Variants in COL4A4 observed in about 807,000 individuals in gnomAD.
COL4A4 encodes collagen type IV alpha 4 chain, also known as collagen alpha-4(IV) chain.
In COL4A4, 105 loss-of-function variants were observed where a neutral mutation model predicts 192.9. That is an observed-to-expected ratio of 0.54 (90% CI 0.46 to 0.64). The LOEUF is 0.64. Ranked by LOEUF, COL4A4 falls within the 30% of genes least tolerant of loss-of-function variation. The pLI, the probability that COL4A4 is intolerant of heterozygous loss-of-function variation, is 0.00. For synonymous variants in COL4A4, 762 were observed against 769.9 expected (o/e 0.99, Z 0.17); for missense variants, 1,967 against 2,169.3 (o/e 0.91, Z 1.85).
chr2:227,033,916 T>C (rs1480591760), intron 37 of COL4A4, among the ~76,000 whole-genome samples: 1 of 152,198 alleles, frequency 6.6e-6, no homozygotes, highest in East Asian at 1.9e-4. Context: ...TCCTGGTTTC[T>C]TCAGGATCTA....
Position 227,022,527 on chromosome 2 carries a change from G to GTA in COL4A4, c.4091-356_4091-355dup, listed in dbSNP as rs1553620826. The stretch of plus-strand genomic sequence containing the variant: ...AATCTCTGGGCCATTTTTTACTGGA[G>GTA]TAGCAGCCACAGGTAGCATTGCAAG... On this transcript the variant is annotated intron_variant, in intron 43 of 47. Coordinates refer to ENST00000396625, the MANE Select transcript of COL4A4 (RefSeq NM_000092.5). The GTA allele has an allele frequency of 3.6e-6, 2 of 550,586 alleles. No individual in the cohort carries two copies. The highest frequency in any genetic ancestry group is 3.8e-5 in the African/African-American group (2 of 52,694). 34.1% of individuals were successfully genotyped at this position (550,586 alleles called of 1,614,324 possible).
intron 4 of COL4A4, among the ~76,000 whole-genome samples, chr2:227,125,821 T>A (rs747621136): frequency 1.3e-5 from 2 of 152,086 alleles, no homozygotes; most frequent in Non-Finnish European, 2.9e-5. Context: ...GCAGTAACAC[T>A]CTCACCCGTG....
At chr2:226,993,200 T>C in the COL4A4 span, among the ~76,000 whole-genome samples, 1 of 152,232 alleles carries the variant, frequency 6.6e-6, no homozygotes, top group African/African-American at 2.4e-5. Context: ...ATCTGCGGGC[T>C]TTTTCTTTTG....
At chr2:226,976,628 G>C in the COL4A4 span, among the ~76,000 whole-genome samples, 1 of 152,130 alleles carries the variant, frequency 6.6e-6, no homozygotes, top group Non-Finnish European at 1.5e-5. Flanking sequence ...AGGAAGAGAA[G>C]AGACCCCAGT....
chr2:227,104,035 T>G lies in COL4A4; in HGVS notation c.753A>C (p.Gln251His). The G allele has an allele frequency of 3.7e-6, 6 of 1,613,408 alleles. No individual in the cohort carries two copies. The highest frequency in any genetic ancestry group is 5.1e-6 in the Non-Finnish European group (6 of 1,179,924). ...QMGDPGEVGQ[Q>H]GSPGPTLLVE... ...CCAACAGGGTGGGTCCAGGAGAACC[T>G]TGCTGACCAACCTCACCCTTAAAAA... The change falls in exon 13 of 48, where the codon CAA (glutamine) becomes CAC (histidine). Residue 251 changes from glutamine (Q) to histidine (H), a missense_variant. Gln to His is a conservative substitution (Grantham distance 24). Coordinates refer to ENST00000396625, the MANE Select transcript of COL4A4 (RefSeq NM_000092.5).
chr2:227,048,778 T>G (rs1409501892), intron 34 of COL4A4, among the ~76,000 whole-genome samples: 2 of 152,198 alleles, frequency 1.3e-5, no homozygotes, highest in Non-Finnish European at 2.9e-5. Context: ...GTAAAGAGAC[T>G]AATAAATGTA....
At position 227,050,108 on chromosome 2, in the gene COL4A4, G is replaced by C; in HGVS notation, c.3174C>G (p.Pro1058=). The change falls in exon 34 of 48, where the codon CCC becomes CCG. Residue 1058 remains proline (P), a synonymous_variant. Coordinates refer to ENST00000396625, the MANE Select transcript of COL4A4 (RefSeq NM_000092.5). The part of the protein sequence containing the change: ...GDQGEPGSPG[P]PGFSGIDGAR... Reference sequence around the variant, plus strand: ...CTCCATCAATTCCTGAAAATCCAGGGGGACCTGGAGAACCTGGCTCACCCT... The same window carrying C: ...CTCCATCAATTCCTGAAAATCCAGGCGGACCTGGAGAACCTGGCTCACCCT... The C allele has an allele frequency of 6.2e-7, 1 of 1,614,112 alleles. No individual in the cohort carries two copies. The highest frequency in any genetic ancestry group is 8.5e-7 in the Non-Finnish European group (1 of 1,180,002).
chr2:227,143,328 T>G (rs527710318), intron 3 of COL4A4, among the ~76,000 whole-genome samples: 21 of 152,208 alleles, frequency 1.4e-4, no homozygotes, highest in Non-Finnish European at 3.1e-4. Context: ...TGAATCAGAA[T>G]AAACACGTAT....
At chr2:227,139,024 G>A (rs780526082) in intron 4 of COL4A4, among the ~76,000 whole-genome samples, 4 of 152,200 alleles carry the variant, frequency 2.6e-5, no homozygotes, top group Non-Finnish European at 5.9e-5. Context: ...AGTAGGAGGA[G>A]ATGGGGTATT....
chr2:227,056,817 T>C (rs755513865), intron 29 of COL4A4, among the ~76,000 whole-genome samples: 2 of 152,226 alleles, frequency 1.3e-5, no homozygotes, highest in Non-Finnish European at 2.9e-5. Context: ...AAAGAGCTGT[T>C]TGCCCCATCT....
Position 227,140,278 on chromosome 2 carries a change from T to C in COL4A4, c.115-40A>G, listed in dbSNP as rs1387087220. The C allele has an allele frequency of 2.0e-6, 3 of 1,538,106 alleles. No homozygotes were observed. In the African/African-American group the frequency reaches 4.1e-5, roughly 21 times the overall value. On this transcript the variant is annotated intron_variant, in intron 3 of 47. Coordinates refer to ENST00000396625, the MANE Select transcript of COL4A4 (RefSeq NM_000092.5). Reference sequence around the variant, plus strand: ...ATCTTATTTAGTATACCAGTACTCATCGTTTAACTACGTGCATAACACATA... The same window carrying C: ...ATCTTATTTAGTATACCAGTACTCACCGTTTAACTACGTGCATAACACATA...
chr2:227,042,241 G>C lies in COL4A4; in HGVS notation c.3412C>G (p.Pro1138Ala). The C allele has an allele frequency of 6.2e-7, 1 of 1,611,000 alleles. No individual in the cohort carries two copies. Among genetic ancestry groups the C allele is most frequent in the Non-Finnish European group, 8.5e-7 (1 of 1,177,180 alleles). ...PPGCPGDHGM[P>A]GLRGQPGEMG... ...TCTCCTGGCTGTCCCCTCAGCCCAGGCATCCCGTGATCACCTGAGGATGAC... is the reference window on the plus strand; with the variant it reads ...TCTCCTGGCTGTCCCCTCAGCCCAGCCATCCCGTGATCACCTGAGGATGAC... The change falls in exon 37 of 48, where the codon CCT becomes GCT. Residue 1138 changes from proline to alanine, a missense_variant. By Grantham distance (27) the Pro-to-Ala change is conservative (BLOSUM62 -1). Coordinates refer to ENST00000396625, the MANE Select transcript of COL4A4 (RefSeq NM_000092.5).
Position 227,041,782 on chromosome 2 carries a change from G to A in COL4A4, c.3505+366C>T, listed in dbSNP as rs1559476134. Among the ~76,000 whole-genome samples the A allele has an allele frequency of 3.0e-3, 175 of 58,048 alleles. 13 individuals are homozygous for A. Among genetic ancestry groups the A allele is most frequent in the East Asian group, 0.013 (15 of 1,150 alleles). The allele number at this position is 58,048 out of a possible 152,430, so 38.1% of individuals were successfully genotyped here. On this transcript the variant is annotated intron_variant, in intron 37 of 47. Coordinates refer to ENST00000396625, the MANE Select transcript of COL4A4 (RefSeq NM_000092.5). ...AGGAAGGAAGGAAGGAAGGAAGGAA[G>A]GAAGGGAAAGAAAGAAAGAAAGGAA... is the stretch of plus-strand genomic sequence containing the variant.
At chr2:227,132,381 T>C (rs568406066) in intron 4 of COL4A4, among the ~76,000 whole-genome samples, 1 of 152,308 alleles carries the variant, frequency 6.6e-6, no homozygotes, top group East Asian at 1.9e-4. Flanking sequence ...GAGGCCTCCA[T>C]GGCCTGGTTG....
intron 44 of COL4A4, among the ~76,000 whole-genome samples, chr2:227,012,690 A>C (rs1472836203): frequency 6.6e-6 from 1 of 151,404 alleles, no homozygotes; most frequent in East Asian, 1.9e-4. Context: ...TATTTTCCTT[A>C]ATAATGATTG....
rs748491239 is a variant in COL4A4 at position 227,022,158 on chromosome 2, G to C, written c.4106C>G (p.Pro1369Arg). 1 of 1,614,096 alleles carries C rather than the reference G, an allele frequency of 6.2e-7. No individual in the cohort carries two copies. Among genetic ancestry groups the C allele is most frequent in the South Asian group, 1.1e-5 (1 of 91,084 alleles). Residue 1369 changes from proline to arginine, a missense_variant, in exon 44 of 48, where the codon CCT becomes CGT. Pro to Arg is a moderately radical substitution (Grantham distance 103, BLOSUM62 -2). Coordinates refer to ENST00000396625, the MANE Select transcript of COL4A4 (RefSeq NM_000092.5). ...LPGPRGEPGPPADVDDCPRIP... is the reference protein window; with the variant it reads ...LPGPRGEPGPRADVDDCPRIP... ...TCGGGGACAGTCATCCACATCTGCA[G>C]GTGGCCCCGGTTCACCTGAAATTGG...
In COL4A4 at chr2:227,054,713, G is replaced by T. The variant is rs1469234661; in HGVS notation, c.2741C>A (p.Pro914Gln). ...PKGPRGLPGF[P>Q]GFPGERGKPG... ...CTTTCCTCTTTCTCCGGGAAAACCT[G>T]GGAAACCAGGCAGCCCCCGGGGTCC... The change falls in exon 31 of 48, where the codon CCA becomes CAA. Residue 914 changes from proline to glutamine, a missense_variant. Physicochemically the swap from Pro to Gln is moderately conservative, Grantham distance 76 (BLOSUM62 -1). Coordinates refer to ENST00000396625, the MANE Select transcript of COL4A4 (RefSeq NM_000092.5). 2 of 1,614,016 alleles carry T rather than the reference G, an allele frequency of 1.2e-6. No individual in the cohort carries two copies. The highest frequency in any genetic ancestry group is 4.5e-5 in the East Asian group (2 of 44,900).
Position 227,104,055 on chromosome 2 carries a change from T to TAAA in COL4A4, c.736-6_736-4dup. The TAAA allele has an allele frequency of 7.3e-7, 1 of 1,367,172 alleles. No homozygotes were observed. 84.7% of individuals were successfully genotyped at this position (1,367,172 alleles called of 1,614,324 possible). A position where few individuals can be genotyped will look rare whatever the true frequency, so the allele number is the denominator to read the frequency against. ...GAACCTTGCTGACCAACCTCACCCTTAAAAAAAAAAGCAAGATAATGAAAA... is the reference window on the plus strand; with the variant it reads ...GAACCTTGCTGACCAACCTCACCCTTAAAAAAAAAAAAAGCAAGATAATGAAAA... On this transcript the variant is annotated splice_region_variant and splice_polypyrimidine_tract_variant and intron_variant, in intron 12 of 47. Transcript: ENST00000396625.
At chr2:227,068,106 T>C (rs200016610) in intron 25 of COL4A4, among the ~76,000 whole-genome samples, 10,995 of 145,344 alleles carry the variant, frequency 0.076, 449 homozygotes, top group East Asian at 0.19. Context: ...GCAAATAAAC[T>C]AGAAAATCTA....
Sources: gnomAD v4.1 joint callset for allele counts (sites outside exome capture counted in the v4.1 genomes callset) on GRCh38, gnomAD v4.1.1 for gene constraint, MANE v1.5 for transcripts, NCBI Gene and HGNC (gene_info 2026-07-23, HGNC 2026-07-21) for gene names.